Variants in PAX9 observed in about 807,000 individuals in gnomAD.
PAX9 encodes the protein paired box protein Pax-9.
Under a neutral mutation model 29.1 loss-of-function variants are expected in PAX9, and 6 were observed. That is an observed-to-expected ratio of 0.21 (90% CI 0.11 to 0.41). The LOEUF (loss-of-function observed/expected upper bound fraction) is 0.41. Among genes scored for constraint, PAX9 ranks in the 10% least tolerant of loss-of-function variants. The probability of loss-of-function intolerance (pLI) is 1.00; values close to 1 mark genes in which losing one functional copy is unlikely to be tolerated. For synonymous variants in PAX9, 217 were observed against 211.7 expected, an observed-to-expected ratio of 1.03 and a Z score of -0.22; for missense variants, 443 against 479.1, an observed-to-expected ratio of 0.92 and a Z score of 0.70.
Position 36,676,556 on chromosome 14 carries a change from TC to T in PAX9, c.*105del. ...CCCACCCCTCCTGCCCTCCAACCCTTCTGCCTTGAAAGCTGGCTGTACGGAC... is the reference window on the plus strand; with the variant it reads ...CCCACCCCTCCTGCCCTCCAACCCTTTGCCTTGAAAGCTGGCTGTACGGAC... On this transcript the variant is annotated 3_prime_UTR_variant, in exon 4 of 4. Coordinates refer to ENST00000361487, the MANE Select transcript of PAX9 (RefSeq NM_001372076.1). The T allele has an allele frequency of 7.4e-7, 1 of 1,354,332 alleles. No individual in the cohort carries two copies. The highest frequency in any genetic ancestry group is 1.0e-6 in the Non-Finnish European group (1 of 974,544). The allele number at this position is 1,354,332 out of a possible 1,614,324, so 83.9% of individuals were successfully genotyped here. A position where few individuals can be genotyped will look rare whatever the true frequency, so the allele number is the denominator to read the frequency against.
In PAX9 at chr14:36,666,453, C is replaced by A; in HGVS notation, c.632-9C>A. 6.2e-7 allele frequency: 1 copy of A among 1,610,118 alleles called. No homozygotes were observed. ...CCTCCGGCCTGACACCCTCTCTTCT[C>A]TCCATCAGTGAGCGACAGCTCCCCC... On this transcript the variant is annotated splice_polypyrimidine_tract_variant and intron_variant, in intron 2 of 3. Transcript: ENST00000361487.
At chr14:36,665,049 C>T (rs951968335) in intron 2 of PAX9, among the ~76,000 whole-genome samples, 1 of 151,742 alleles carries the variant, frequency 6.6e-6, no homozygotes. Context: ...TTGTGCCCAC[C>T]GACTGCCTTT....
intron 3 of PAX9, chr14:36,671,009 A>G (rs1566474929): frequency 2.4e-6 from 1 of 423,384 alleles, no homozygotes; most frequent in East Asian, 7.6e-5. Context: ...TGACAGAAAA[A>G]TGAGTTCACC....
In PAX9 at chr14:36,676,632, C is replaced by A; in HGVS notation, c.*180C>A. ...TTACATATTTCTTGCCATAACTTTT[C>A]TCTTGCAGAAAAACTGACATGACTT... On this transcript the variant is annotated 3_prime_UTR_variant, in exon 4 of 4. Coordinates refer to ENST00000361487, the MANE Select transcript of PAX9 (RefSeq NM_001372076.1). 1.4e-6 allele frequency: 1 copy of A among 703,166 alleles called. No homozygotes were observed. The highest frequency in any genetic ancestry group is 1.8e-5 in the South Asian group (1 of 56,918). 43.6% of individuals were successfully genotyped at this position (703,166 alleles called of 1,614,324 possible).
Position 36,676,280 on chromosome 14 carries a change from C to T in PAX9, c.854C>T (p.Pro285Leu), listed in dbSNP as rs777314709. Reference sequence around the variant, plus strand: ...TACCCTACCCCAGCCCAAGTGTCGCCTTACATGACCTACAGTGCTGCTCCT... The same window carrying T: ...TACCCTACCCCAGCCCAAGTGTCGCTTTACATGACCTACAGTGCTGCTCCT... The part of the protein sequence containing the change: ...APYPTPAQVS[P>L]YMTYSAAPSG... The change falls in exon 4 of 4, where the codon CCT becomes CTT. Residue 285 changes from proline (P) to leucine (L), a missense_variant. By Grantham distance (98) the Pro-to-Leu change is moderately conservative (BLOSUM62 -3). Coordinates refer to ENST00000361487, the MANE Select transcript of PAX9 (RefSeq NM_001372076.1). 8 of 1,614,092 alleles carry T rather than the reference C, an allele frequency of 5.0e-6. No individual in the cohort carries two copies. The highest frequency in any genetic ancestry group is 1.7e-5 in the Admixed American group (1 of 60,006).
upstream of PAX9, chr14:36,658,482 C>G (rs1881123542): frequency 6.6e-6 from 1 of 152,372 alleles, no homozygotes; most frequent in Non-Finnish European, 1.5e-5. Context: ...AGAACAACCT[C>G]TCTCCCGTGC....
intron 3 of PAX9, among the ~76,000 whole-genome samples, chr14:36,669,968 C>T (rs1437557653): frequency 1.3e-5 from 2 of 151,984 alleles, no homozygotes; most frequent in Admixed American, 1.3e-4. Flanking sequence ...TTCCTGATGG[C>T]CGGTTCTCTT....
At chr14:36,660,074 G>A (rs1383519513), upstream of PAX9, among the ~76,000 whole-genome samples, 7 of 152,120 alleles carry the variant, frequency 4.6e-5, no homozygotes, top group Non-Finnish European at 7.4e-5. Flanking sequence ...TTCCTTCCTG[G>A]TCAAGTTGCC....
intron 3 of PAX9, among the ~76,000 whole-genome samples, chr14:36,671,564 A>G (rs1881694020): frequency 6.6e-6 from 1 of 152,084 alleles, no homozygotes; most frequent in South Asian, 2.1e-4. Context: ...TCACAAACCT[A>G]TACTAACTTA....
At chr14:36,671,436 T>C (rs752052336) in intron 3 of PAX9, among the ~76,000 whole-genome samples, 2 of 152,170 alleles carry the variant, frequency 1.3e-5, no homozygotes, top group Non-Finnish European at 2.9e-5. Flanking sequence ...GAACTTCTGT[T>C]TACTTTTTTC....
At chr14:36,665,730 A>G (rs1881463980) in intron 2 of PAX9, among the ~76,000 whole-genome samples, 1 of 152,120 alleles carries the variant, frequency 6.6e-6, no homozygotes, top group Non-Finnish European at 1.5e-5. Context: ...AAACTCTTTC[A>G]GGAAAACCCT....
At chr14:36,665,846 C>T (rs1020870517) in intron 2 of PAX9, 5 of 152,954 alleles carry the variant, frequency 3.3e-5, no homozygotes, top group East Asian at 1.9e-4. Context: ...CAAGGGGAGC[C>T]CTATGCACAC....
At chr14:36,664,333 C>T (rs1881407177) in intron 2 of PAX9, among the ~76,000 whole-genome samples, 1 of 151,798 alleles carries the variant, frequency 6.6e-6, no homozygotes, top group Non-Finnish European at 1.5e-5. Context: ...TTCAGTTTTC[C>T]CTGAGCCTGC....
chr14:36,660,868 A>T (rs1881231051), upstream of PAX9, among the ~76,000 whole-genome samples: 3 of 152,282 alleles, frequency 2.0e-5, no homozygotes, highest in South Asian at 6.2e-4. Flanking sequence ...ATAAAAGTGA[A>T]AATTCAGAAG....
intron 2 of PAX9, 111 bp downstream of exon 2, chr14:36,663,634 TTTTTCCTTTGG>T: frequency 2.8e-6 from 4 of 1,409,110 alleles, no homozygotes; most frequent in South Asian, 2.4e-5. Context: ...CACCTGAGGC[TTTTTCCTTTGG>T]AAACGTAAGG....
upstream of PAX9, among the ~76,000 whole-genome samples, chr14:36,661,401 A>G (rs1299106365): frequency 6.6e-6 from 1 of 152,202 alleles, no homozygotes; most frequent in Non-Finnish European, 1.5e-5. Context: ...TAGAATCGGC[A>G]GGTGACACAG....
chr14:36,663,580 G>A (rs576303933), intron 2 of PAX9, 57 bp downstream of exon 2: 8 of 1,602,830 alleles, frequency 5.0e-6, no homozygotes, highest in Non-Finnish European at 6.8e-6. Context: ...GCACTCTCGC[G>A]GAGGTCCCAG....
intron 2 of PAX9, chr14:36,665,951 C>T (rs1881470791): frequency 6.3e-6 from 1 of 159,354 alleles, no homozygotes. Flanking sequence ...TTTTTGTTCT[C>T]TATTGACATA....
intron 3 of PAX9, chr14:36,671,116 G>C (rs1566475034): frequency 1.2e-5 from 5 of 409,128 alleles, no homozygotes; most frequent in Non-Finnish European, 2.4e-5. Context: ...TCTATTTGTG[G>C]CTAAATCTAC....
Sources: gnomAD v4.1 joint callset for allele counts (sites outside exome capture counted in the v4.1 genomes callset) on GRCh38, gnomAD v4.1.1 for gene constraint, MANE v1.5 for transcripts, NCBI Gene and HGNC (gene_info 2026-07-23, HGNC 2026-07-21) for gene names.